WDR64: variants seen among roughly 807,000 people sequenced by gnomAD.
The protein encoded by WDR64 is WD repeat domain 64.
In WDR64, 112 loss-of-function variants were observed where a neutral mutation model predicts 139.3. That is an observed-to-expected ratio of 0.80 (90% CI 0.69 to 0.94). The LOEUF is 0.94. Ranked by LOEUF, WDR64 falls within the 40% of genes least tolerant of loss-of-function variation. The pLI, the probability that WDR64 is intolerant of heterozygous loss-of-function variation, is 0.00. For synonymous variants in WDR64, 444 were observed against 437.7 expected (o/e 1.01, Z -0.18); for missense variants, 1,206 against 1,293.1 (o/e 0.93, Z 1.03).
At chr1:241,676,865 G>A (rs1666578293) in intron 4 of WDR64, among the ~76,000 whole-genome samples, 1 of 151,516 alleles carries the variant, frequency 6.6e-6, no homozygotes, top group South Asian at 2.1e-4. Flanking sequence ...GATTACAGGA[G>A]TGAGCCATGC....
chr1:241,661,026 T>C (rs1183871894), intron 2 of WDR64, among the ~76,000 whole-genome samples: 1 of 152,198 alleles, frequency 6.6e-6, no homozygotes, highest in South Asian at 2.1e-4. Context: ...AAATTATTAA[T>C]ATAAGAGAAG....
At chr1:241,728,351 A>G (rs72768097) in intron 10 of WDR64, among the ~76,000 whole-genome samples, 23,295 of 151,988 alleles carry the variant, frequency 0.15, 2,161 homozygotes, top group Middle Eastern at 0.35. Flanking sequence ...AGAAGAAGAA[A>G]AAAAAAGCAA....
rs748170511 is a variant in WDR64, at chr1:241,674,753, T to A, written c.483+6T>A. 6 of 1,504,332 alleles carry A rather than the reference T, an allele frequency of 4.0e-6. No homozygotes were observed. Among genetic ancestry groups the A allele is most frequent in the Non-Finnish European group, 5.4e-6 (6 of 1,107,786 alleles). The allele number at this position is 1,504,332 out of a possible 1,614,324, so 93.2% of individuals were successfully genotyped here. ...TAACAGTTTTTAATAACCAGGTAAT[T>A]TCTTTTTCTTTTTTTAACTGAATGA... On this transcript the variant is annotated splice_donor_region_variant and intron_variant, in intron 4 of 27. Transcript: ENST00000437684.
In WDR64 at chr1:241,723,388, C is replaced by G. The variant is rs146321451; in HGVS notation, c.1146C>G (p.Ile382Met). 3 of 1,613,698 alleles carry G rather than the reference C, an allele frequency of 1.9e-6. No homozygotes were observed. In the Admixed American group the frequency reaches 5.0e-5, roughly 27 times the overall value. Residue 382 changes from isoleucine to methionine, a missense_variant, in exon 10 of 28, where the codon ATC becomes ATG. Ile to Met is a conservative substitution (Grantham distance 10). Transcript: ENST00000437684. ...GACACATGTTCAGTATCGCCGAGAT[C>G]GTAACCAATGAAAAAGATCAACATG... ...LVGHMFSIAE[I>M]VTNEKDQHVV...
At chr1:241,695,642 A>G (rs1667453609) in intron 8 of WDR64, among the ~76,000 whole-genome samples, 1 of 152,248 alleles carries the variant, frequency 6.6e-6, no homozygotes, top group African/African-American at 2.4e-5. Context: ...TTAGAGGACT[A>G]TAAAAATAAA....
chr1:241,771,412 C>G (rs1658423920), intron 18 of WDR64, among the ~76,000 whole-genome samples: 1 of 152,152 alleles, frequency 6.6e-6, no homozygotes, highest in Admixed American at 6.5e-5. Context: ...GAGCATGCAT[C>G]AGGCATTTTT....
chr1:241,701,163 C>A (rs1667694662), intron 8 of WDR64, among the ~76,000 whole-genome samples: 1 of 152,134 alleles, frequency 6.6e-6, no homozygotes, highest in Middle Eastern at 3.2e-3. Flanking sequence ...AAATATAATA[C>A]CTTTTGCGGG....
At chr1:241,754,237 T>C (rs1029239776) in intron 14 of WDR64, among the ~76,000 whole-genome samples, 1 of 152,102 alleles carries the variant, frequency 6.6e-6, no homozygotes, top group South Asian at 2.1e-4. Context: ...ATAGTTTTCA[T>C]ATTTAGTATC....
intron 6 of WDR64, among the ~76,000 whole-genome samples, chr1:241,681,232 G>A (rs1405705207): frequency 6.6e-6 from 1 of 152,118 alleles, no homozygotes; most frequent in East Asian, 1.9e-4. Context: ...CAAGCAGTAT[G>A]TACTGAACCC....
chr1:241,680,337 G>T (rs1666730544), intron 6 of WDR64, among the ~76,000 whole-genome samples: 1 of 152,066 alleles, frequency 6.6e-6, no homozygotes, highest in Non-Finnish European at 1.5e-5. Flanking sequence ...TTTGCTATTT[G>T]TTCATAATGT....
chr1:241,788,646 G>A lies in WDR64; in HGVS notation c.2891+612G>A, dbSNP rs114166857. ...GCACTCAAGGCTGGAAAGACCCAATGTCATTACCTAATTCAAAAGATGGTA... is the reference window on the plus strand; with the variant it reads ...GCACTCAAGGCTGGAAAGACCCAATATCATTACCTAATTCAAAAGATGGTA... On this transcript the variant is annotated intron_variant, in intron 24 of 27. Coordinates refer to ENST00000437684, the MANE Select transcript of WDR64 (RefSeq NM_001367482.1). 5.2e-3 allele frequency among the ~76,000 whole-genome samples: 793 copies of A among 152,324 alleles called. 12 individuals carry two copies. Among genetic ancestry groups the A allele is most frequent in the African/African-American group, 0.018 (755 of 41,564 alleles).
intron 15 of WDR64, among the ~76,000 whole-genome samples, chr1:241,758,236 A>ATT (rs113803616): frequency 6.9e-5 from 10 of 144,878 alleles, no homozygotes; most frequent in Non-Finnish European, 1.1e-4. Context: ...TACAACATTG[A>ATT]TTTTTTTTTT....
At chr1:241,757,649 G>GT (rs35256499) in intron 15 of WDR64, among the ~76,000 whole-genome samples, 190 bp downstream of exon 15, 1,103 of 95,166 alleles carry the variant, frequency 0.012, 32 homozygotes, top group African/African-American at 0.024. Context: ...CAATGGATTT[G>GT]TTTTTTTTTT....
At chr1:241,727,983 G>C (rs540633193) in intron 10 of WDR64, among the ~76,000 whole-genome samples, 52 of 152,150 alleles carry the variant, frequency 3.4e-4, no homozygotes, top group African/African-American at 1.3e-3. Context: ...TGAATGATCA[G>C]GGGAACCAGC....
Position 241,801,217 on chromosome 1 carries a change from G to C in WDR64, c.*2G>C. The stretch of plus-strand genomic sequence containing the variant: ...TTCTTCCCAGCTATACCCAAGTAAG[G>C]AGAAAAAATCAGAAATGGCTGCTGC... On this transcript the variant is annotated 3_prime_UTR_variant, in exon 28 of 28. Coordinates refer to ENST00000437684, the MANE Select transcript of WDR64 (RefSeq NM_001367482.1). The C allele has an allele frequency of 1.2e-6, 2 of 1,612,556 alleles. No individual in the cohort carries two copies. The highest frequency in any genetic ancestry group is 1.7e-6 in the Non-Finnish European group (2 of 1,178,988).
intron 15 of WDR64, among the ~76,000 whole-genome samples, chr1:241,758,160 GTGTTATT>G: frequency 6.6e-6 from 1 of 152,226 alleles, no homozygotes; most frequent in East Asian, 1.9e-4. Context: ...CACCCTCATG[GTGTTATT>G]TAAGAAGTTC....
chr1:241,653,954 A>G (rs911765011), intron 1 of WDR64, among the ~76,000 whole-genome samples: 60 of 152,124 alleles, frequency 3.9e-4, no homozygotes, highest in African/African-American at 1.4e-3. Context: ...CAAAACTTGC[A>G]TTTTTTCCTA....
At chr1:241,687,806 GC>G (rs1667067098) in intron 8 of WDR64, among the ~76,000 whole-genome samples, 1 of 152,172 alleles carries the variant, frequency 6.6e-6, no homozygotes, top group Admixed American at 6.5e-5. Flanking sequence ...CATCAACTGT[GC>G]CCATTTGTTG....
At chr1:241,783,175 T>C (rs1658909421) in intron 22 of WDR64, 97 bp from the exon 23 acceptor site, 6 of 1,035,384 alleles carry the variant, frequency 5.8e-6, no homozygotes, top group Non-Finnish European at 8.7e-6. Flanking sequence ...CATCTTCCAC[T>C]CATAAGCTTG....
Sources: allele counts gnomAD v4.1 joint callset (sites outside exome capture counted in the v4.1 genomes callset), GRCh38; gene constraint gnomAD v4.1.1; transcripts MANE v1.5; gene names NCBI Gene and HGNC (gene_info 2026-07-23, HGNC 2026-07-21).